Variants in CYFIP1 observed in about 807,000 individuals in gnomAD.
CYFIP1 encodes cytoplasmic FMR1 interacting protein 1, also known as cytoplasmic FMR1-interacting protein 1.
In CYFIP1, 58 loss-of-function variants were observed where a neutral mutation model predicts 163.5. The observed-to-expected ratio is 0.35, with a 90% CI of 0.29 to 0.44. The LOEUF (loss-of-function observed/expected upper bound fraction) is 0.44, where lower values mean the gene tolerates loss of function less well. Among genes scored for constraint, CYFIP1 ranks in the 20% least tolerant of loss-of-function variants. CYFIP1 has a pLI of 1.00. For missense variants in CYFIP1, 1,338 were observed against 1,653.8 expected (o/e 0.81, Z 3.31); for synonymous variants, 663 against 660.7 (o/e 1.00, Z -0.05).
chr15:22,939,345 T>C (rs757129872), intron 7 of CYFIP1, 25 bp from the exon 8 acceptor site: 10 of 1,614,010 alleles, frequency 6.2e-6, no homozygotes, highest in East Asian at 2.2e-5. Flanking sequence ...AAGAGACTCA[T>C]GCATGGGCCC....
intron 18 of CYFIP1, 110 bp downstream of exon 18, chr15:22,912,069 G>T: frequency 3.0e-6 from 3 of 1,012,354 alleles, no homozygotes; most frequent in Non-Finnish European, 4.3e-6. Context: ...TTGCTTCGTG[G>T]TTTATACTGT....
In CYFIP1 at chr15:22,947,006, G is replaced by T. The variant is rs761454789; in HGVS notation, c.204C>A (p.Ser68Arg). Residue 68 changes from serine (S) to arginine (R), a missense_variant, in exon 3 of 31, where the codon AGC (serine) becomes AGA (arginine). This residue lies in a region of CYFIP1 where 186 missense variants were observed against 288.3 expected (regional missense o/e 0.65). Transcript: ENST00000617928. ...CAAAGACACACCGCAACATTACCAT[G>T]CTAGAGTGGACGGTGGCTTGTTCAA... Reference protein sequence around the residue: ...RYIEQATVHSSMNEMLEEGQE... With the variant: ...RYIEQATVHSRMNEMLEEGQE... 1.2e-6 allele frequency: 2 copies of T among 1,613,026 alleles called. No homozygotes were observed. Among genetic ancestry groups the T allele is most frequent in the Non-Finnish European group, 1.7e-6 (2 of 1,178,976 alleles).
At chr15:22,918,166 G>C (rs1318357485) in intron 14 of CYFIP1, among the ~76,000 whole-genome samples, 1 of 152,232 alleles carries the variant, frequency 6.6e-6, no homozygotes, top group Non-Finnish European at 1.5e-5. Context: ...CTGAGCTCCA[G>C]TTCGCATCTG....
chr15:22,934,501 T>TG (rs1196955012), intron 9 of CYFIP1, among the ~76,000 whole-genome samples: 4 of 113,386 alleles, frequency 3.5e-5, no homozygotes, highest in Non-Finnish European at 7.2e-5. Flanking sequence ...TTTTTTTTTT[T>TG]TTTTTTTTTT....
intron 17 of CYFIP1, among the ~76,000 whole-genome samples, chr15:22,913,925 C>T (rs72698052): frequency 2.6e-5 from 4 of 152,202 alleles, no homozygotes; most frequent in Admixed American, 6.5e-5. Flanking sequence ...TGTGTGAGGA[C>T]TGACGCACAA....
chr15:22,881,788 G>C, intron 25 of CYFIP1, 58 bp downstream of exon 25: 1 of 1,523,562 alleles, frequency 6.6e-7, no homozygotes, highest in Non-Finnish European at 9.0e-7. Context: ...TTTCTGACTT[G>C]AATTCCTTTC....
chr15:22,911,245 G>A (rs903649310), intron 18 of CYFIP1, among the ~76,000 whole-genome samples: 5 of 152,138 alleles, frequency 3.3e-5, no homozygotes, highest in African/African-American at 1.2e-4. Flanking sequence ...TAAATAAACT[G>A]CAGTGTGGCC....
intron 25 of CYFIP1, among the ~76,000 whole-genome samples, chr15:22,880,255 T>C (rs1278136717): frequency 6.6e-6 from 1 of 152,232 alleles, no homozygotes; most frequent in Admixed American, 6.5e-5. Context: ...ACCCCGGGCC[T>C]TGGCTCTGAA....
At chr15:22,871,147 T>A (rs540446735) in intron 30 of CYFIP1, among the ~76,000 whole-genome samples, 3 of 152,152 alleles carry the variant, frequency 2.0e-5, no homozygotes, top group African/African-American at 7.2e-5. Flanking sequence ...CAGATACAAA[T>A]GCACATCTTG....
At chr15:22,971,051 G>C (rs1227313798) in intron 1 of CYFIP1, among the ~76,000 whole-genome samples, 1 of 152,066 alleles carries the variant, frequency 6.6e-6, no homozygotes, top group African/African-American at 2.4e-5. Context: ...ACTCCAGCCT[G>C]GGCGACAGAG....
At chr15:22,950,381 C>T (rs1457116968) in intron 1 of CYFIP1, among the ~76,000 whole-genome samples, 1 of 152,132 alleles carries the variant, frequency 6.6e-6, no homozygotes, top group South Asian at 2.1e-4. Context: ...AGCCTCCGAG[C>T]AAGGAACTCA....
At chr15:22,899,415 A>G (rs527987041) in intron 22 of CYFIP1, among the ~76,000 whole-genome samples, 10 of 152,286 alleles carry the variant, frequency 6.6e-5, no homozygotes, top group Admixed American at 3.3e-4. Flanking sequence ...TATAACTCCC[A>G]TAATTCCCAC....
chr15:22,974,601 C>T (rs1208578324), intron 1 of CYFIP1, among the ~76,000 whole-genome samples: 7 of 151,970 alleles, frequency 4.6e-5, no homozygotes, highest in African/African-American at 1.7e-4. Context: ...CTTGGTGGCA[C>T]CTCCTGTAAT....
At chr15:22,876,048 G>A (rs955929276) in intron 26 of CYFIP1, among the ~76,000 whole-genome samples, 5 of 151,372 alleles carry the variant, frequency 3.3e-5, no homozygotes, top group African/African-American at 7.3e-5. Flanking sequence ...ACCACAGTGC[G>A]CTCACCACCC....
Position 22,959,584 on chromosome 15 carries a change from C to T in CYFIP1, c.-6-12293G>A, listed in dbSNP as rs548104310. Among the ~76,000 whole-genome samples, 5 of 152,310 alleles carry T rather than the reference C, an allele frequency of 3.3e-5. No individual in the cohort carries two copies. In the South Asian group the frequency reaches 6.2e-4, roughly 19 times the overall value. On this transcript the variant is annotated intron_variant, in intron 1 of 30. Coordinates refer to ENST00000617928, the MANE Select transcript of CYFIP1 (RefSeq NM_014608.6). ...GCTGGGCACCAAGCATGACCTCGGGCGCTTGACAAAGCAATTCCACCGCTG... is the reference window on the plus strand; with the variant it reads ...GCTGGGCACCAAGCATGACCTCGGGTGCTTGACAAAGCAATTCCACCGCTG...
intron 6 of CYFIP1, among the ~76,000 whole-genome samples, chr15:22,941,606 G>A (rs1441928840): frequency 1.3e-5 from 2 of 151,988 alleles, no homozygotes; most frequent in African/African-American, 4.8e-5. Flanking sequence ...TAACCAACAG[G>A]GGTCCCAGAT....
chr15:22,882,671 T>G (rs1027081437), intron 24 of CYFIP1, among the ~76,000 whole-genome samples, 197 bp downstream of exon 24: 2 of 152,130 alleles, frequency 1.3e-5, no homozygotes, highest in African/African-American at 2.4e-5. Context: ...GCGTATCAGT[T>G]AAAATAACCT....
chr15:22,875,786 C>CT (rs1480637539), intron 26 of CYFIP1, among the ~76,000 whole-genome samples: 1 of 150,786 alleles, frequency 6.6e-6, no homozygotes, highest in Non-Finnish European at 1.5e-5. Flanking sequence ...CCTACAGAGC[C>CT]CAAAACAAAG....
rs777531017 is a variant in CYFIP1 at position 22,914,877 on chromosome 15, G to A, written c.1834C>T (p.Leu612=). Residue 612 remains leucine (L), a synonymous_variant, in exon 17 of 31, where the codon CTG becomes TTG. Coordinates refer to ENST00000617928, the MANE Select transcript of CYFIP1 (RefSeq NM_014608.6). ...YTHLINFSET[L]QQCCDLSQLW... ...TGCGAAAGGTCACAGCACTGCTGCAGCGTTTCTGGGAGGGTTCAAACAACT... is the reference window on the plus strand; with the variant it reads ...TGCGAAAGGTCACAGCACTGCTGCAACGTTTCTGGGAGGGTTCAAACAACT... 8.7e-6 allele frequency: 14 copies of A among 1,606,624 alleles called. No individual in the cohort carries two copies. The South Asian group carries it at 1.2e-4, about 14-fold the overall frequency.
Sources: gnomAD v4.1 joint callset for allele counts (sites outside exome capture counted in the v4.1 genomes callset) on GRCh38, gnomAD v4.1.1 for gene constraint, gnomAD v4.1.1 regional missense constraint, MANE v1.5 for transcripts, NCBI Gene and HGNC (gene_info 2026-07-23, HGNC 2026-07-21) for gene names.